The following ARID1B variants were observed in gnomAD, a reference collection of about 807,000 sequenced individuals.
ARID1B encodes AT-rich interaction domain 1B.
A neutral mutation model predicts 212.3 loss-of-function variants in ARID1B; 30 were observed. The observed-to-expected ratio is 0.14, with a 90% CI of 0.11 to 0.19. The LOEUF (loss-of-function observed/expected upper bound fraction) is 0.19, where lower values mean the gene tolerates loss of function less well. Among genes scored for constraint, ARID1B ranks in the 10% least tolerant of loss-of-function variants. The probability of loss-of-function intolerance (pLI) is 1.00; values close to 1 mark genes in which losing one functional copy is unlikely to be tolerated. For missense variants in ARID1B, 2,891 were observed against 3,204.0 expected (o/e 0.90, Z 2.36); for synonymous variants, 1,402 against 1,301.7 (o/e 1.08, Z -1.66).
At chr6:156,961,085 A>G (rs1352660389) in intron 4 of ARID1B, among the ~76,000 whole-genome samples, 1 of 152,190 alleles carries the variant, frequency 6.6e-6, no homozygotes, top group East Asian at 1.9e-4. Context: ...CAAAGAAACA[A>G]ACCCCAAACC....
chr6:156,932,600 C>T (rs1039102674), intron 3 of ARID1B, among the ~76,000 whole-genome samples: 2 of 151,992 alleles, frequency 1.3e-5, no homozygotes, highest in Non-Finnish European at 2.9e-5. Flanking sequence ...ACTGTCATTG[C>T]CTTTTTACTG....
intron 7 of ARID1B, among the ~76,000 whole-genome samples, chr6:157,133,601 C>A (rs1269419058): frequency 6.6e-6 from 1 of 152,200 alleles, no homozygotes; most frequent in African/African-American, 2.4e-5. Context: ...TTAGTGATCA[C>A]CGTCAAAACC....
At chr6:157,059,145 C>T (rs1360045305) in intron 4 of ARID1B, among the ~76,000 whole-genome samples, 2 of 151,064 alleles carry the variant, frequency 1.3e-5, no homozygotes, top group East Asian at 1.9e-4. Context: ...ATTTAAGAGA[C>T]GATATATTGA....
intron 4 of ARID1B, among the ~76,000 whole-genome samples, chr6:157,007,149 A>G (rs1779295221): frequency 1.3e-5 from 2 of 152,240 alleles, no homozygotes; most frequent in Non-Finnish European, 2.9e-5. Flanking sequence ...CCCCTGAAGG[A>G]CTCATGGAAG....
In ARID1B at chr6:156,778,608, G is replaced by GCGC; in HGVS notation, c.928_929insCGC (p.Val310delinsAlaLeu). On this transcript the variant is annotated protein_altering_variant, in exon 1 of 20. Coordinates refer to ENST00000636930, the MANE Select transcript of ARID1B (RefSeq NM_001374828.1). Reference sequence around the variant, plus strand: ...CGGGGGCGGCGGCGGCCCGGCGGCCGTCCCGGAGTTTAATAATTACTATGG... The same window carrying GCGC: ...CGGGGGCGGCGGCGGCCCGGCGGCCGCGCTCCCGGAGTTTAATAATTACTATGG... 1 of 1,335,610 alleles carries GCGC rather than the reference G, an allele frequency of 7.5e-7. No individual in the cohort carries two copies. Among genetic ancestry groups the GCGC allele is most frequent in the Non-Finnish European group, 9.6e-7 (1 of 1,042,724 alleles). The allele number at this position is 1,335,610 out of a possible 1,614,324, so 82.7% of individuals were successfully genotyped here.
chr6:156,798,384 C>T (rs901807491), intron 1 of ARID1B, among the ~76,000 whole-genome samples: 6 of 152,206 alleles, frequency 3.9e-5, no homozygotes, highest in South Asian at 4.1e-4. Context: ...GATAGAGTTC[C>T]CTTAGCACTC....
intron 4 of ARID1B, among the ~76,000 whole-genome samples, chr6:157,067,801 T>G (rs1783771163): frequency 1.3e-5 from 2 of 152,170 alleles, no homozygotes; most frequent in Admixed American, 1.3e-4. Flanking sequence ...TTTCGTCTTG[T>G]CCCTTTTTTC....
At chr6:156,828,370 A>C (rs916179492) in intron 1 of ARID1B, among the ~76,000 whole-genome samples, 3 of 152,192 alleles carry the variant, frequency 2.0e-5, no homozygotes, top group African/African-American at 7.2e-5. Context: ...AGTTGGGATC[A>C]GTATGTGGTT....
rs537254675 is a variant in ARID1B, at chr6:157,137,727, T to C, written c.2761+4520T>C. Reference sequence around the variant, plus strand: ...TTGCTCCCAGGCCTCACTCACTCTGTAATAGCCTATGGGAGTCTGGGAAGG... The same window carrying C: ...TTGCTCCCAGGCCTCACTCACTCTGCAATAGCCTATGGGAGTCTGGGAAGG... On this transcript the variant is annotated intron_variant, in intron 7 of 19. Coordinates refer to ENST00000636930, the MANE Select transcript of ARID1B (RefSeq NM_001374828.1). 6.6e-5 allele frequency among the ~76,000 whole-genome samples: 10 copies of C among 152,282 alleles called. No homozygotes were observed. In the South Asian group the frequency reaches 1.5e-3, roughly 22 times the overall value.
At chr6:156,865,068 C>T (rs1482004654) in intron 2 of ARID1B, among the ~76,000 whole-genome samples, 2 of 152,170 alleles carry the variant, frequency 1.3e-5, no homozygotes, top group Non-Finnish European at 2.9e-5. Context: ...TAGAGGACTT[C>T]CTATCCTAGA....
chr6:157,184,664 C>G, intron 13 of ARID1B: 1 of 592,326 alleles, frequency 1.7e-6, no homozygotes, highest in Non-Finnish European at 3.0e-6. Context: ...GGAAGGCACC[C>G]CTTCTTTTGC....
chr6:157,136,992 A>G (rs1788962006), intron 7 of ARID1B, among the ~76,000 whole-genome samples: 1 of 152,168 alleles, frequency 6.6e-6, no homozygotes, highest in Non-Finnish European at 1.5e-5. Context: ...AGCCTGGGCA[A>G]CATGGTAGAA....
At chr6:156,969,794 T>A (rs909308331) in intron 4 of ARID1B, among the ~76,000 whole-genome samples, 1 of 152,002 alleles carries the variant, frequency 6.6e-6, no homozygotes, top group African/African-American at 2.4e-5. Context: ...CAGTATTACA[T>A]CCCAATTTTC....
At chr6:156,986,184 A>T (rs528391472) in intron 4 of ARID1B, among the ~76,000 whole-genome samples, 13 of 152,148 alleles carry the variant, frequency 8.5e-5, no homozygotes, top group Non-Finnish European at 1.6e-4. Flanking sequence ...CTCAGGTGTC[A>T]AGGCCTCAGG....
intron 2 of ARID1B, among the ~76,000 whole-genome samples, chr6:156,886,454 T>G: frequency 6.6e-6 from 1 of 152,176 alleles, no homozygotes; most frequent in Non-Finnish European, 1.5e-5. Context: ...CCCTGCTGGC[T>G]CTCTTGTATC....
chr6:156,927,621 TAACA>T, intron 3 of ARID1B, among the ~76,000 whole-genome samples: 1 of 152,362 alleles, frequency 6.6e-6, no homozygotes, highest in East Asian at 1.9e-4. Context: ...AGACTGCCAG[TAACA>T]AACAGCAAAA....
rs187999416 is a variant in ARID1B at position 156,870,588 on chromosome 6, C to A, written c.1987-30788C>A. On this transcript the variant is annotated intron_variant, in intron 2 of 19. Transcript: ENST00000636930. ...AAGATTTCCTATGCCTTGGGAGCTG[C>A]GGATTGAAGAGCTTGCTTTGAATGA... is the stretch of plus-strand genomic sequence containing the variant. 3.7e-3 allele frequency: 558 copies of A among 152,246 alleles called. 4 individuals carry two copies. The highest frequency in any genetic ancestry group is 0.013 in the African/African-American group (527 of 41,550). The allele number at this position is 152,246 out of a possible 1,614,324, so 9.4% of individuals were successfully genotyped here.
At position 157,196,329 on chromosome 6, in the gene ARID1B, A is replaced by G; in HGVS notation, c.4382+14A>G. On this transcript the variant is annotated intron_variant, in intron 16 of 19. Coordinates refer to ENST00000636930, the MANE Select transcript of ARID1B (RefSeq NM_001374828.1). Reference sequence around the variant, plus strand: ...TTACGACCGAAGGTGAGTATTTTTTAAGATGACAATATGATGATTTACTAG... The same window carrying G: ...TTACGACCGAAGGTGAGTATTTTTTGAGATGACAATATGATGATTTACTAG... The G allele has an allele frequency of 6.3e-7, 1 of 1,583,704 alleles. No individual in the cohort carries two copies. Among genetic ancestry groups the G allele is most frequent in the African/African-American group, 1.4e-5 (1 of 72,726 alleles).
In ARID1B at chr6:156,807,291, G is replaced by A. The variant is rs143035623; in HGVS notation, c.1792-21936G>A. Among the ~76,000 whole-genome samples, 1,520 of 152,214 alleles carry A rather than the reference G, an allele frequency of 1.0e-2. 103 individuals carry two copies. Among genetic ancestry groups the A allele is most frequent in the Admixed American group, 0.093 (1,427 of 15,290 alleles). ...CAGCGGATCACGTGGTGTCGGAAAC[G>A]CCTTAAGCAAGAAGCTTGCATGTCA... On this transcript the variant is annotated intron_variant, in intron 1 of 19. Coordinates refer to ENST00000636930, the MANE Select transcript of ARID1B (RefSeq NM_001374828.1).
Sources: gnomAD v4.1 joint callset for allele counts (sites outside exome capture counted in the v4.1 genomes callset) on GRCh38, gnomAD v4.1.1 for gene constraint, MANE v1.5 for transcripts, NCBI Gene and HGNC (gene_info 2026-07-23, HGNC 2026-07-21) for gene names.